PRKD1: variants seen among roughly 807,000 people sequenced by gnomAD.
PRKD1 encodes the protein serine/threonine-protein kinase D1.
In PRKD1, 63 loss-of-function variants were observed where a neutral mutation model predicts 95.9. The ratio of observed to expected loss-of-function variants is 0.66; its 90% CI spans 0.54 to 0.81. The LOEUF (loss-of-function observed/expected upper bound fraction) is 0.81, where lower values mean the gene tolerates loss of function less well. PRKD1 is among the 30% of genes least tolerant of loss of function. The probability of loss-of-function intolerance (pLI) is 0.00; values close to 1 mark genes in which losing one functional copy is unlikely to be tolerated. For missense variants in PRKD1, 1,048 were observed against 1,165.3 expected, an observed-to-expected ratio of 0.90 and a Z score of 1.47; for synonymous variants, 425 against 423.1, an observed-to-expected ratio of 1.00 and a Z score of -0.05.
intron 2 of PRKD1, among the ~76,000 whole-genome samples, chr14:29,707,899 A>T (rs191191108): frequency 6.6e-6 from 1 of 152,160 alleles, no homozygotes; most frequent in African/African-American, 2.4e-5. Flanking sequence ...TCAGGCTAAT[A>T]GATTACTGAC....
intron 2 of PRKD1, among the ~76,000 whole-genome samples, chr14:29,714,771 T>A (rs1594452786): frequency 6.6e-6 from 1 of 152,164 alleles, no homozygotes; most frequent in Non-Finnish European, 1.5e-5. Flanking sequence ...TGGAATACCA[T>A]GCAGCCATAA....
At chr14:29,616,444 T>C (rs1208144150) in intron 13 of PRKD1, among the ~76,000 whole-genome samples, 2 of 103,864 alleles carry the variant, frequency 1.9e-5, no homozygotes, top group African/African-American at 3.0e-5. Context: ...TTATCGTTTA[T>C]GGTTTTTTTT....
chr14:29,702,522 A>C (rs558023713), intron 2 of PRKD1, among the ~76,000 whole-genome samples: 2 of 151,902 alleles, frequency 1.3e-5, no homozygotes, highest in African/African-American at 4.8e-5. Context: ...TAGATGCAAA[A>C]TTTTCCAATA....
intron 13 of PRKD1, among the ~76,000 whole-genome samples, chr14:29,618,781 G>A (rs200555288): frequency 2.7e-5 from 4 of 145,490 alleles, no homozygotes; most frequent in African/African-American, 5.0e-5. Context: ...AAATGAAATG[G>A]AAAAAAAAAA....
At chr14:29,774,528 A>T (rs999770642) in intron 1 of PRKD1, among the ~76,000 whole-genome samples, 3 of 152,220 alleles carry the variant, frequency 2.0e-5, no homozygotes, top group African/African-American at 7.2e-5. Flanking sequence ...TTTCATATGC[A>T]TGAGTTAGGT....
intron 13 of PRKD1, among the ~76,000 whole-genome samples, chr14:29,620,206 A>G (rs1879153938): frequency 6.6e-6 from 1 of 150,582 alleles, no homozygotes; most frequent in African/African-American, 2.4e-5. Context: ...CGTTAGACCT[A>G]AAACCATAAA....
At chr14:29,601,638 T>A (rs1893526118) in intron 13 of PRKD1, among the ~76,000 whole-genome samples, 1 of 152,202 alleles carries the variant, frequency 6.6e-6, no homozygotes, top group Non-Finnish European at 1.5e-5. Flanking sequence ...TTACTTTACT[T>A]TTCCTGATTA....
intron 4 of PRKD1, chr14:29,652,972 C>G (rs535888640): frequency 1.1e-4 from 16 of 152,106 alleles, no homozygotes; most frequent in Non-Finnish European, 2.1e-4. Context: ...ATAGAAAATA[C>G]AATGCTGGTA....
chr14:29,678,526 A>C (rs539707063), intron 2 of PRKD1, among the ~76,000 whole-genome samples: 47 of 152,238 alleles, frequency 3.1e-4, no homozygotes, highest in African/African-American at 1.1e-3. Flanking sequence ...AACTTCACCT[A>C]AGATTTCCTG....
At chr14:29,817,895 C>T (rs1350160158) in intron 1 of PRKD1, among the ~76,000 whole-genome samples, 1 of 152,050 alleles carries the variant, frequency 6.6e-6, no homozygotes, top group African/African-American at 2.4e-5. Context: ...TTAAAGGCAA[C>T]TATTTTTTCA....
At chr14:29,888,315 AAAAG>A (rs1836715594) in intron 1 of PRKD1, among the ~76,000 whole-genome samples, 1 of 151,996 alleles carries the variant, frequency 6.6e-6, no homozygotes, top group African/African-American at 2.4e-5. Flanking sequence ...AAAGGGAAAG[AAAAG>A]AAAGAAAAGA....
intron 1 of PRKD1, among the ~76,000 whole-genome samples, chr14:29,890,076 C>A (rs1171792334): frequency 6.6e-6 from 1 of 152,074 alleles, no homozygotes; most frequent in Non-Finnish European, 1.5e-5. Flanking sequence ...TTTCTGAAAT[C>A]CCTAGATTAT....
At chr14:29,641,976 T>G in intron 4 of PRKD1, among the ~76,000 whole-genome samples, 1 of 148,248 alleles carries the variant, frequency 6.7e-6, no homozygotes, top group East Asian at 2.0e-4. Flanking sequence ...CATTCTCGGC[T>G]CACTGCAGCC....
intron 1 of PRKD1, among the ~76,000 whole-genome samples, chr14:29,781,421 T>G (rs1037965071): frequency 5.3e-5 from 8 of 152,144 alleles, no homozygotes; most frequent in Non-Finnish European, 8.8e-5. Context: ...CCTCAATATT[T>G]CCAAGACAAG....
intron 1 of PRKD1, among the ~76,000 whole-genome samples, chr14:29,853,880 C>A (rs1892401744): frequency 6.6e-6 from 1 of 152,166 alleles, no homozygotes; most frequent in Non-Finnish European, 1.5e-5. Context: ...AGTTTCCCTG[C>A]ACAAGCTCTC....
At chr14:29,650,844 A>G (rs759579985) in intron 4 of PRKD1, among the ~76,000 whole-genome samples, 10 of 152,232 alleles carry the variant, frequency 6.6e-5, no homozygotes, top group Non-Finnish European at 1.0e-4. Context: ...ACAGAAACTT[A>G]GAGACCTTAC....
chr14:29,648,722 T>C (rs554535484), intron 4 of PRKD1, among the ~76,000 whole-genome samples: 1 of 152,194 alleles, frequency 6.6e-6, no homozygotes, highest in East Asian at 1.9e-4. Context: ...TGGTGCGATC[T>C]CGGCTCACTG....
chr14:29,895,851 C>T (rs1894106154), intron 1 of PRKD1, among the ~76,000 whole-genome samples: 1 of 152,176 alleles, frequency 6.6e-6, no homozygotes, highest in South Asian at 2.1e-4. Flanking sequence ...ACACTGTAAC[C>T]TGCTCCCCAA....
At chr14:29,609,490 T>TTGTG (rs147951504) in intron 13 of PRKD1, among the ~76,000 whole-genome samples, 28,902 of 132,594 alleles carry the variant, frequency 0.22, 3,227 homozygotes, top group African/African-American at 0.31. Flanking sequence ...ACTAATCTAT[T>TTGTG]TGTGTGTGTG....
Sources: allele counts gnomAD v4.1 joint callset (sites outside exome capture counted in the v4.1 genomes callset), GRCh38; gene constraint gnomAD v4.1.1; transcripts MANE v1.5; gene names NCBI Gene and HGNC (gene_info 2026-07-23, HGNC 2026-07-21).